The following MRTFB variants were observed in gnomAD, a reference collection of about 807,000 sequenced individuals.
MRTFB encodes myocardin related transcription factor B.
MRTFB carries 29 observed loss-of-function variants against 104.2 expected under a neutral mutation model. The observed-to-expected ratio is 0.28, with a 90% confidence interval of 0.21 to 0.38. The LOEUF (loss-of-function observed/expected upper bound fraction) is 0.38. MRTFB is among the 10% of genes least tolerant of loss of function. The pLI is 1.00. For synonymous variants in MRTFB, 535 were observed against 519.5 expected (o/e 1.03, Z -0.41); for missense variants, 1,270 against 1,341.6 (o/e 0.95, Z 0.83).
chr16:14,226,370 T>G (rs957326591), intron 8 of MRTFB, among the ~76,000 whole-genome samples: 2 of 152,114 alleles, frequency 1.3e-5, no homozygotes, highest in Admixed American at 1.3e-4. Flanking sequence ...AGCCCAGAAA[T>G]AAGCCCTTAG....
intron 5 of MRTFB, among the ~76,000 whole-genome samples, chr16:14,212,845 A>T (rs1675904201): frequency 6.6e-6 from 1 of 152,224 alleles, no homozygotes; most frequent in Admixed American, 6.5e-5. Context: ...AAGATGGCTA[A>T]ATCAGAAAAC....
chr16:14,166,078 A>G (rs532227997), intron 3 of MRTFB, among the ~76,000 whole-genome samples: 2 of 152,346 alleles, frequency 1.3e-5, no homozygotes, highest in Admixed American at 1.3e-4. Flanking sequence ...TAGAGCAGCC[A>G]CTTCCAAATG....
intron 3 of MRTFB, among the ~76,000 whole-genome samples, chr16:14,154,397 A>T (rs1443446240): frequency 6.6e-6 from 1 of 152,198 alleles, no homozygotes; most frequent in Non-Finnish European, 1.5e-5. Flanking sequence ...TTAAAAAAGA[A>T]ATTTTAAAAA....
intron 3 of MRTFB, among the ~76,000 whole-genome samples, chr16:14,158,621 G>A (rs1048266543): frequency 2.6e-5 from 4 of 152,054 alleles, no homozygotes; most frequent in African/African-American, 9.7e-5. Context: ...TTATTAAGAT[G>A]CTTTTATTTT....
At chr16:14,032,451 G>A in the MRTFB span, among the ~76,000 whole-genome samples, 71 of 152,222 alleles carry the variant, frequency 4.7e-4, no homozygotes, top group Non-Finnish European at 6.9e-4. Context: ...TTGCATTGAA[G>A]CATTGGAATT....
At chr16:14,197,667 G>A (rs1045340163) in intron 3 of MRTFB, among the ~76,000 whole-genome samples, 1 of 152,128 alleles carries the variant, frequency 6.6e-6, no homozygotes, top group African/African-American at 2.4e-5. Context: ...TATATGGTAA[G>A]CATTGTGGAA....
the MRTFB span, among the ~76,000 whole-genome samples, chr16:14,051,765 A>G: frequency 1.3e-5 from 2 of 152,342 alleles, no homozygotes; most frequent in Middle Eastern, 3.4e-3. Context: ...GGAGTGTTCA[A>G]CGCACACTTA....
chr16:14,183,552 C>T (rs868803026), intron 3 of MRTFB, among the ~76,000 whole-genome samples: 7 of 151,568 alleles, frequency 4.6e-5, no homozygotes, highest in African/African-American at 7.3e-5. Flanking sequence ...ATATCTATAC[C>T]GACTAAGCAG....
chr16:14,254,181 T>C (rs1431263035), intron 15 of MRTFB, among the ~76,000 whole-genome samples: 1 of 152,230 alleles, frequency 6.6e-6, no homozygotes, highest in African/African-American at 2.4e-5. Flanking sequence ...GTCCTGCTTA[T>C]ATGCCATTGA....
intron 3 of MRTFB, among the ~76,000 whole-genome samples, chr16:14,168,072 C>T (rs2039307031): frequency 1.3e-5 from 2 of 152,182 alleles, no homozygotes; most frequent in Non-Finnish European, 2.9e-5. Flanking sequence ...GTTCTCCTAA[C>T]ACCATTTATG....
At chr16:14,025,370 G>A in the MRTFB span, among the ~76,000 whole-genome samples, 3 of 152,154 alleles carry the variant, frequency 2.0e-5, no homozygotes, top group African/African-American at 7.2e-5. Context: ...TTTTTGTAGA[G>A]CTGGGGTCTT....
At chr16:14,005,242 A>G in the MRTFB span, among the ~76,000 whole-genome samples, 1 of 152,380 alleles carries the variant, frequency 6.6e-6, no homozygotes, top group Non-Finnish European at 1.5e-5. Context: ...AGCTCTCTTC[A>G]GAAGCCTTTG....
chr16:14,256,110 C>CAAAA, intron 15 of MRTFB, among the ~76,000 whole-genome samples: 1 of 73,438 alleles, frequency 1.4e-5, no homozygotes, highest in Non-Finnish European at 3.0e-5. Flanking sequence ...GAGACTGTCT[C>CAAAA]AAAAAAAAAA....
At chr16:14,048,896 G>A in the MRTFB span, among the ~76,000 whole-genome samples, 2 of 152,182 alleles carry the variant, frequency 1.3e-5, no homozygotes. Flanking sequence ...GGCAGCACTT[G>A]GTAAACATTG....
the MRTFB span, among the ~76,000 whole-genome samples, chr16:14,001,020 G>T: frequency 1.6e-4 from 25 of 152,256 alleles, no homozygotes; most frequent in Non-Finnish European, 2.9e-4. Context: ...AGCTTCCTGT[G>T]ACAATGACAG....
chr16:14,041,553 C>T, the MRTFB span, among the ~76,000 whole-genome samples: 87,407 of 152,104 alleles, frequency 0.57, 29,828 homozygotes, highest in South Asian at 0.74. Context: ...TTTCTTTATT[C>T]ATGTATCCAT....
chr16:14,110,909 C>T (rs1432985434), intron 2 of MRTFB, among the ~76,000 whole-genome samples: 2 of 152,168 alleles, frequency 1.3e-5, no homozygotes, highest in African/African-American at 2.4e-5. Flanking sequence ...CTCCCTTAAA[C>T]AGTACTTCCA....
chr16:14,073,995 T>C (rs1473003097), intron 1 of MRTFB, among the ~76,000 whole-genome samples: 2 of 152,234 alleles, frequency 1.3e-5, no homozygotes, highest in Admixed American at 6.5e-5. Flanking sequence ...ATAACATTTA[T>C]ATATGTTACA....
intron 3 of MRTFB, among the ~76,000 whole-genome samples, chr16:14,187,625 G>A (rs192026997): frequency 2.6e-4 from 40 of 152,258 alleles, no homozygotes; most frequent in Middle Eastern, 3.4e-3. Context: ...AAATACTGTC[G>A]ATTATTATTG....
Sources: gnomAD v4.1 joint callset for allele counts (sites outside exome capture counted in the v4.1 genomes callset) on GRCh38, gnomAD v4.1.1 for gene constraint, MANE v1.5 for transcripts, NCBI Gene and HGNC (gene_info 2026-07-23, HGNC 2026-07-21) for gene names.